Variants in CBL observed in about 807,000 individuals in gnomAD.
The protein encoded by CBL is Cbl proto-oncogene, also known as E3 ubiquitin-protein ligase CBL.
Under a neutral mutation model 96.9 loss-of-function variants are expected in CBL, and 45 were observed. The ratio of observed to expected loss-of-function variants is 0.46; its 90% confidence interval spans 0.37 to 0.60. The LOEUF (loss-of-function observed/expected upper bound fraction) is 0.60, where lower values mean the gene tolerates loss of function less well. Ranked by LOEUF, CBL falls within the 20% of genes least tolerant of loss-of-function variation. The pLI is 0.00. For missense variants in CBL, 1,024 were observed against 1,143.5 expected, an observed-to-expected ratio of 0.90 and a Z score of 1.51; for synonymous variants, 420 against 426.8, an observed-to-expected ratio of 0.98 and a Z score of 0.20.
Position 119,243,742 on chromosome 11 carries a change from TC to T in CBL, c.443+11048del, listed in dbSNP as rs199618258. On this transcript the variant is annotated intron_variant, in intron 2 of 15. Coordinates refer to ENST00000264033, the MANE Select transcript of CBL (RefSeq NM_005188.4). ...AATTGATCAAAAAACTTTTTTTTTT[TC>T]TTTTGGGAGGCAGGGTCTCTTGTCA... Among the ~76,000 whole-genome samples, 1,332 of 152,072 alleles carry T rather than the reference TC, an allele frequency of 8.8e-3. 14 individuals carry two copies. Among genetic ancestry groups the T allele is most frequent in the African/African-American group, 0.031 (1,269 of 41,438 alleles).
Position 119,301,891 on chromosome 11 carries a change from A to G in CBL, c.*2110A>G, listed in dbSNP as rs140861445. The G allele has an allele frequency of 1.4e-4, 32 of 233,282 alleles. No individual in the cohort carries two copies. The highest frequency in any genetic ancestry group is 6.6e-4 in the African/African-American group (30 of 45,458). The allele number at this position is 233,282 out of a possible 1,614,324, so 14.5% of individuals were successfully genotyped here. ...TTGTTTAAATATTGAAGGCCTAGAC[A>G]AAGAACTAGAAAAAAAAAAGCAGTT... On this transcript the variant is annotated 3_prime_UTR_variant, in exon 16 of 16. Coordinates refer to ENST00000264033, the MANE Select transcript of CBL (RefSeq NM_005188.4).
intron 12 of CBL, among the ~76,000 whole-genome samples, chr11:119,291,814 C>G (rs531213374): frequency 6.6e-6 from 1 of 152,118 alleles, no homozygotes; most frequent in East Asian, 1.9e-4. Context: ...CTGTATCTTC[C>G]TTTGTGGTTT....
At chr11:119,260,299 A>C (rs1211955564) in intron 2 of CBL, among the ~76,000 whole-genome samples, 2 of 137,622 alleles carry the variant, frequency 1.5e-5, no homozygotes, top group East Asian at 2.1e-4. Flanking sequence ...GACTGGATTT[A>C]GTGGTGCAAT....
chr11:119,306,296 C>A lies in CBL; in HGVS notation c.*6515C>A. The A allele has an allele frequency of 2.5e-6, 1 of 398,552 alleles. No homozygotes were observed. The highest frequency in any genetic ancestry group is 1.3e-4 in the South Asian group (1 of 7,852). 24.7% of individuals were successfully genotyped at this position (398,552 alleles called of 1,614,324 possible). ...TCCCTGTGTTTGTACAGAGCAAAGC[C>A]CAAAAGCCAACCTCAGATCTCCTGA... On this transcript the variant is annotated 3_prime_UTR_variant, in exon 16 of 16. Transcript: ENST00000264033.
At chr11:119,254,759 G>T (rs1203924762) in intron 2 of CBL, among the ~76,000 whole-genome samples, 1 of 152,070 alleles carries the variant, frequency 6.6e-6, no homozygotes, top group Middle Eastern at 3.4e-3. Context: ...GCACCACCAC[G>T]CCCAGCTAAT....
chr11:119,262,522 A>G (rs1015183814), intron 2 of CBL, among the ~76,000 whole-genome samples: 1 of 152,230 alleles, frequency 6.6e-6, no homozygotes, highest in African/African-American at 2.4e-5. Flanking sequence ...CGTGGTCTTT[A>G]TAACTTTTCT....
chr11:119,246,022 T>G (rs1468440663), intron 2 of CBL, among the ~76,000 whole-genome samples: 1 of 124,152 alleles, frequency 8.1e-6, no homozygotes, highest in African/African-American at 3.0e-5. Flanking sequence ...GTCACCAGGC[T>G]GGAGTGCAGC....
At chr11:119,298,912 A>G (rs962168413) in intron 15 of CBL, among the ~76,000 whole-genome samples, 1 of 152,164 alleles carries the variant, frequency 6.6e-6, no homozygotes, top group Non-Finnish European at 1.5e-5. Flanking sequence ...CACACACTGA[A>G]TGGGCCTGGA....
chr11:119,274,633 A>G (rs567881628), intron 4 of CBL, among the ~76,000 whole-genome samples, 199 bp from the exon 5 acceptor site: 6 of 152,290 alleles, frequency 3.9e-5, no homozygotes, highest in Non-Finnish European at 7.4e-5. Context: ...GTTTCTCCCT[A>G]TAAGCATATA....
chr11:119,206,408 T>A lies in CBL; in HGVS notation c.-10T>A. On this transcript the variant is annotated 5_prime_UTR_variant, in exon 1 of 16. Coordinates refer to ENST00000264033, the MANE Select transcript of CBL (RefSeq NM_005188.4). ...GGCGGACCCGCCTGGGCTCCGACCC[T>A]GCCCAGGCCATGGCCGGCAACGTGA... 6.5e-7 allele frequency: 1 copy of A among 1,543,792 alleles called. No homozygotes were observed. Among genetic ancestry groups the A allele is most frequent in the East Asian group, 2.4e-5 (1 of 41,944 alleles).
chr11:119,235,998 C>T (rs577007866), intron 2 of CBL, among the ~76,000 whole-genome samples: 15 of 151,932 alleles, frequency 9.9e-5, no homozygotes, highest in Admixed American at 3.9e-4. Flanking sequence ...AGGGTTTTTG[C>T]GAATGATCTT....
At chr11:119,287,784 G>A (rs552259923) in intron 11 of CBL, 68 bp from the exon 12 acceptor site, 2 of 990,506 alleles carry the variant, frequency 2.0e-6, no homozygotes, top group Admixed American at 3.4e-5. Flanking sequence ...TTTTGAAAAG[G>A]TTCAATAAGA....
chr11:119,222,825 G>GT (rs1216283303), intron 1 of CBL, among the ~76,000 whole-genome samples: 3 of 152,034 alleles, frequency 2.0e-5, no homozygotes, highest in Admixed American at 6.6e-5. Flanking sequence ...TTTTAAAAGA[G>GT]GTTATACATA....
intron 1 of CBL, among the ~76,000 whole-genome samples, chr11:119,208,085 G>A (rs1225592327): frequency 6.6e-6 from 1 of 152,060 alleles, no homozygotes; most frequent in Non-Finnish European, 1.5e-5. Context: ...TGGTGGTGTA[G>A]TACTAATTTT....
intron 1 of CBL, among the ~76,000 whole-genome samples, chr11:119,216,619 C>G (rs1270154252): frequency 1.3e-5 from 2 of 152,102 alleles, no homozygotes; most frequent in African/African-American, 4.8e-5. Flanking sequence ...ATCCGCCTGC[C>G]TCGGCCTCCC....
chr11:119,246,842 A>G (rs997690161), intron 2 of CBL, among the ~76,000 whole-genome samples: 2 of 152,220 alleles, frequency 1.3e-5, no homozygotes, highest in African/African-American at 4.8e-5. Flanking sequence ...TGTAATTGGA[A>G]TGATTGTTTT....
At position 119,302,513 on chromosome 11, in the gene CBL, T is replaced by C. The variant is rs1950108304; in HGVS notation, c.*2732T>C. 4 of 232,724 alleles carry C rather than the reference T, an allele frequency of 1.7e-5. No individual in the cohort carries two copies. Among genetic ancestry groups the C allele is most frequent in the Non-Finnish European group, 3.4e-5 (4 of 117,764 alleles). The allele number at this position is 232,724 out of a possible 1,614,324, so 14.4% of individuals were successfully genotyped here. On this transcript the variant is annotated 3_prime_UTR_variant, in exon 16 of 16. Transcript: ENST00000264033. ...CATTTTGGGCAAGCCCTTCCGCTTG[T>C]CCCTTCCTAGTGGCTAATAAAGTAA...
chr11:119,242,322 A>C lies in CBL; in HGVS notation c.443+9627A>C, dbSNP rs182394887. On this transcript the variant is annotated intron_variant, in intron 2 of 15. Transcript: ENST00000264033. ...CTTTGGGAGGCCAAGGCGTTGGATCACCTGAGGTCAGGAGTTCGAGACCAG... is the reference window on the plus strand; with the variant it reads ...CTTTGGGAGGCCAAGGCGTTGGATCCCCTGAGGTCAGGAGTTCGAGACCAG... Among the ~76,000 whole-genome samples the C allele has an allele frequency of 5.9e-5, 9 of 152,000 alleles. No individual in the cohort carries two copies. The East Asian group carries it at 1.7e-3, about 29-fold the overall frequency.
At chr11:119,234,354 C>A (rs534125672) in intron 2 of CBL, among the ~76,000 whole-genome samples, 1 of 152,204 alleles carries the variant, frequency 6.6e-6, no homozygotes, top group South Asian at 2.1e-4. Flanking sequence ...TCCGTAAGAG[C>A]CTTTGTAACT....
Sources: gnomAD v4.1 joint callset for allele counts (sites outside exome capture counted in the v4.1 genomes callset) on GRCh38, gnomAD v4.1.1 for gene constraint, MANE v1.5 for transcripts, NCBI Gene and HGNC (gene_info 2026-07-23, HGNC 2026-07-21) for gene names.